FHIP2A: variants seen among roughly 807,000 people sequenced by gnomAD.
FHIP2A encodes the protein family with sequence similarity 160 member B1.
In FHIP2A, 46 loss-of-function variants were observed where a neutral mutation model predicts 93.5. The observed-to-expected ratio is 0.49, with a 90% CI of 0.39 to 0.63. The LOEUF (loss-of-function observed/expected upper bound fraction) is 0.63, where lower values mean the gene tolerates loss of function less well. Ranked by LOEUF, FHIP2A falls within the 20% of genes least tolerant of loss-of-function variation. The probability of loss-of-function intolerance (pLI) is 0.00; values close to 1 mark genes in which losing one functional copy is unlikely to be tolerated. For synonymous variants in FHIP2A, 332 were observed against 326.5 expected, an observed-to-expected ratio of 1.02 and a Z score of -0.18; for missense variants, 769 against 909.7, an observed-to-expected ratio of 0.85 and a Z score of 1.99.
chr10:114,837,109 G>A (rs538182153), intron 5 of FHIP2A, among the ~76,000 whole-genome samples: 9 of 152,082 alleles, frequency 5.9e-5, no homozygotes, highest in Non-Finnish European at 1.2e-4. Flanking sequence ...TCCCTGTGTT[G>A]TCCGGGCTGG....
At chr10:114,859,115 C>T (rs2083783151) in intron 14 of FHIP2A, among the ~76,000 whole-genome samples, 2 of 151,804 alleles carry the variant, frequency 1.3e-5, no homozygotes, top group South Asian at 4.2e-4. Flanking sequence ...ACCTTGCTTA[C>T]AGCTAGGTTT....
At chr10:114,868,723 G>A (rs572232200), downstream of FHIP2A, among the ~76,000 whole-genome samples, 157 of 152,240 alleles carry the variant, frequency 1.0e-3, 1 homozygote, top group African/African-American at 2.9e-3. Flanking sequence ...AAGGGGAAAG[G>A]GAAGATATCC....
At chr10:114,842,875 T>C in intron 5 of FHIP2A, 58 bp from the exon 6 acceptor site, 1 of 1,166,684 alleles carries the variant, frequency 8.6e-7, no homozygotes, top group Non-Finnish European at 1.2e-6. Context: ...ATTAAAATAT[T>C]ATTTTTGGCT....
At position 114,843,033 on chromosome 10, in the gene FHIP2A, G is replaced by A. The variant is rs151031745; in HGVS notation, c.623G>A (p.Arg208His). ...DSLSTDTGQS[R>H]QPEELSGATG... ...TTGTCAACAGATACAGGACAGTCCCGTCAACCAGAGGAACTATCTGGTGCT... is the reference window on the plus strand; with the variant it reads ...TTGTCAACAGATACAGGACAGTCCCATCAACCAGAGGAACTATCTGGTGCT... The change falls in exon 6 of 17, where the codon CGT (arginine) becomes CAT (histidine). Residue 208 changes from arginine to histidine, a missense_variant. By Grantham distance (29) the Arg-to-His change is conservative. Transcript: ENST00000369248. 510 of 1,613,928 alleles carry A rather than the reference G, an allele frequency of 3.2e-4. 5 individuals are homozygous for A. In the Middle Eastern group the frequency reaches 5.8e-3, roughly 18 times the overall value.
chr10:114,833,785 T>A (rs553843393), intron 3 of FHIP2A, among the ~76,000 whole-genome samples: 56 of 152,246 alleles, frequency 3.7e-4, no homozygotes, highest in Non-Finnish European at 7.5e-4. Context: ...CTAACTAAAC[T>A]GTTAAGTGGA....
At chr10:114,887,789 C>G (rs2083950686) in intron 16 of FHIP2A, among the ~76,000 whole-genome samples, 1 of 152,222 alleles carries the variant, frequency 6.6e-6, no homozygotes, top group African/African-American at 2.4e-5. Context: ...AATGCCACAC[C>G]TGCCTTCAAG....
At chr10:114,830,996 A>G (rs1299214298) in intron 2 of FHIP2A, 66 bp downstream of exon 2, 3 of 896,576 alleles carry the variant, frequency 3.3e-6, no homozygotes, top group Non-Finnish European at 5.2e-6. Flanking sequence ...GTGAAATACT[A>G]AAATATTTTT....
chr10:114,830,922 A>G lies in FHIP2A; in HGVS notation c.116A>G (p.Glu39Gly), dbSNP rs1264703114. The change falls in exon 2 of 17, where the codon GAG (glutamate) becomes GGG (glycine). Residue 39 changes from glutamate (E) to glycine (G), a missense_variant. Coordinates refer to ENST00000369248, the MANE Select transcript of FHIP2A (RefSeq NM_020940.4). ...HWKAITHYYIETSDDKAPVTD... is the reference protein window; with the variant it reads ...HWKAITHYYIGTSDDKAPVTD... ...AAGGCAATTACCCATTACTACATAGAGACTTCAGGTAAGGAACAATGCTGA... is the reference window on the plus strand; with the variant it reads ...AAGGCAATTACCCATTACTACATAGGGACTTCAGGTAAGGAACAATGCTGA... The G allele has an allele frequency of 1.9e-6, 3 of 1,590,984 alleles. No homozygotes were observed. The highest frequency in any genetic ancestry group is 2.2e-5 in the East Asian group (1 of 44,448).
In FHIP2A at chr10:114,846,232, G is replaced by A; in HGVS notation, c.1263G>A (p.Val421=). The A allele has an allele frequency of 6.2e-7, 1 of 1,614,140 alleles. No homozygotes were observed. ...TALLHRIVRQ[V]TSDVLLQEMV... ...TGCTTCATCGCATCGTTCGGCAAGT[G>A]ACCTCTGATGTTTTGCTTCAAGAAA... Residue 421 remains valine (V), a synonymous_variant, in exon 10 of 17, where the codon GTG becomes GTA. Transcript: ENST00000369248.
intron 16 of FHIP2A, among the ~76,000 whole-genome samples, chr10:114,876,804 C>T (rs548205491): frequency 6.6e-6 from 1 of 152,290 alleles, no homozygotes; most frequent in African/African-American, 2.4e-5. Context: ...CTGCCCCTCC[C>T]CACAGTGCAC....
chr10:114,862,723 T>A lies in FHIP2A; in HGVS notation c.*1183T>A. The A allele has an allele frequency of 1.0e-6, 1 of 985,566 alleles. No homozygotes were observed. Among genetic ancestry groups the A allele is most frequent in the Non-Finnish European group, 1.2e-6 (1 of 830,030 alleles). The allele number at this position is 985,566 out of a possible 1,614,324, so 61.1% of individuals were successfully genotyped here. ...TCGTGTTTGCCAGTCCACTTTCTAT[T>A]TTTCCTTTAAGTGATGCTGATCACT... On this transcript the variant is annotated 3_prime_UTR_variant, in exon 17 of 17. Coordinates refer to ENST00000369248, the MANE Select transcript of FHIP2A (RefSeq NM_020940.4).
intron 3 of FHIP2A, among the ~76,000 whole-genome samples, chr10:114,833,715 T>C (rs757612834): frequency 3.9e-5 from 6 of 152,170 alleles, no homozygotes; most frequent in Non-Finnish European, 8.8e-5. Context: ...TAAAATAGGA[T>C]TGAAAAATAG....
intron 16 of FHIP2A, chr10:114,899,477 CT>C (rs1378866187): frequency 7.0e-6 from 5 of 718,414 alleles, no homozygotes; most frequent in African/African-American, 5.2e-5. Context: ...GATCTTCTTT[CT>C]TTTATCCTCA....
intron 14 of FHIP2A, among the ~76,000 whole-genome samples, chr10:114,859,440 C>T (rs2083784882): frequency 1.3e-5 from 2 of 152,302 alleles, no homozygotes; most frequent in South Asian, 2.1e-4. Context: ...GAGAGTGAAA[C>T]ATTCCGCTGT....
At position 114,833,547 on chromosome 10, in the gene FHIP2A, G is replaced by T. The variant is rs1048995681; in HGVS notation, c.294+145G>T. On this transcript the variant is annotated intron_variant, in intron 3 of 16. Transcript: ENST00000369248. ...TTAAGATTGTAGAAAAAAGAAAATTGTGTAGCCTATACAAATATGTCCATA... is the reference window on the plus strand; with the variant it reads ...TTAAGATTGTAGAAAAAAGAAAATTTTGTAGCCTATACAAATATGTCCATA... The T allele has an allele frequency of 3.0e-5, 22 of 739,910 alleles. No homozygotes were observed. The African/African-American group carries it at 3.6e-4, about 12-fold the overall frequency. The allele number at this position is 739,910 out of a possible 1,614,324, so 45.8% of individuals were successfully genotyped here. A position where few individuals can be genotyped will look rare whatever the true frequency, so the allele number is the denominator to read the frequency against.
At chr10:114,856,286 G>T (rs1213223370) in intron 14 of FHIP2A, among the ~76,000 whole-genome samples, 1 of 152,046 alleles carries the variant, frequency 6.6e-6, no homozygotes, top group Non-Finnish European at 1.5e-5. Context: ...TAAGAGACCA[G>T]GTCCTTTTTT....
intron 16 of FHIP2A, among the ~76,000 whole-genome samples, chr10:114,878,259 A>G (rs1472861778): frequency 5.9e-5 from 9 of 152,182 alleles, no homozygotes; most frequent in Non-Finnish European, 1.3e-4. Context: ...TTGTGAACAT[A>G]CTTCAAATCA....
At position 114,862,354 on chromosome 10, in the gene FHIP2A, T is replaced by C. The variant is rs925469071; in HGVS notation, c.*814T>C. On this transcript the variant is annotated 3_prime_UTR_variant, in exon 17 of 17. Transcript: ENST00000369248. ...AGTAACATGTACTGGGTTGAGAACC[T>C]TTTTCCCCCCTCTCCCTCTCAGAAA... 1.4e-4 allele frequency: 139 copies of C among 986,110 alleles called. No individual in the cohort carries two copies. Among genetic ancestry groups the C allele is most frequent in the Non-Finnish European group, 1.7e-4 (138 of 828,886 alleles). The allele number at this position is 986,110 out of a possible 1,614,324, so 61.1% of individuals were successfully genotyped here. A position where few individuals can be genotyped will look rare whatever the true frequency, so the allele number is the denominator to read the frequency against.
chr10:114,862,451 G>A lies in FHIP2A; in HGVS notation c.*911G>A. 1 of 987,548 alleles carries A rather than the reference G, an allele frequency of 1.0e-6. No homozygotes were observed. The highest frequency in any genetic ancestry group is 1.2e-6 in the Non-Finnish European group (1 of 830,104). The allele number at this position is 987,548 out of a possible 1,614,324, so 61.2% of individuals were successfully genotyped here. A position where few individuals can be genotyped will look rare whatever the true frequency, so the allele number is the denominator to read the frequency against. On this transcript the variant is annotated 3_prime_UTR_variant, in exon 17 of 17. Coordinates refer to ENST00000369248, the MANE Select transcript of FHIP2A (RefSeq NM_020940.4). ...CATGGTGGTGTCTAGGTGGGGAACTGACTGATAACCCTTGGCAGCAATCAA... is the reference window on the plus strand; with the variant it reads ...CATGGTGGTGTCTAGGTGGGGAACTAACTGATAACCCTTGGCAGCAATCAA...
Sources: allele counts gnomAD v4.1 joint callset (sites outside exome capture counted in the v4.1 genomes callset), GRCh38; gene constraint gnomAD v4.1.1; transcripts MANE v1.5; gene names NCBI Gene and HGNC (gene_info 2026-07-23, HGNC 2026-07-21).